Variants in OSBPL8 observed in about 807,000 individuals in gnomAD.
OSBPL8 encodes the protein oxysterol-binding protein-related protein 8.
In OSBPL8, 59 loss-of-function variants were observed where a neutral mutation model predicts 125.5. That is an observed-to-expected ratio of 0.47 (90% CI 0.38 to 0.58). OSBPL8 has a LOEUF of 0.58. Ranked by LOEUF, OSBPL8 falls within the 20% of genes least tolerant of loss-of-function variation. The probability of loss-of-function intolerance (pLI) is 0.00; values close to 1 mark genes in which losing one functional copy is unlikely to be tolerated. For synonymous variants in OSBPL8, 330 were observed against 338.9 expected, an observed-to-expected ratio of 0.97 and a Z score of 0.29; for missense variants, 758 against 1,047.8, an observed-to-expected ratio of 0.72 and a Z score of 3.82.
chr12:76,546,535 A>T (rs1305617491), intron 1 of OSBPL8, among the ~76,000 whole-genome samples: 1 of 152,110 alleles, frequency 6.6e-6, no homozygotes, highest in Non-Finnish European at 1.5e-5. Flanking sequence ...GCTGACATAT[A>T]AAAAAATTGT....
intron 1 of OSBPL8, among the ~76,000 whole-genome samples, chr12:76,501,306 G>A (rs1216158103): frequency 6.6e-6 from 1 of 152,100 alleles, no homozygotes; most frequent in East Asian, 1.9e-4. Context: ...CATGTAAGCT[G>A]GGGGTCAGCA....
intron 21 of OSBPL8, among the ~76,000 whole-genome samples, chr12:76,360,396 C>A (rs1209125259): frequency 6.6e-6 from 1 of 152,242 alleles, no homozygotes; most frequent in East Asian, 1.9e-4. Flanking sequence ...GCAGCTCCAC[C>A]CTTGTGGCTC....
At chr12:76,471,393 G>GT (rs1355447445) in intron 2 of OSBPL8, among the ~76,000 whole-genome samples, 22 of 152,210 alleles carry the variant, frequency 1.4e-4, no homozygotes, top group Admixed American at 5.9e-4. Context: ...ACAGAAACCT[G>GT]TAAGTCGCTC....
At chr12:76,408,013 A>G (rs1954343202) in intron 5 of OSBPL8, among the ~76,000 whole-genome samples, 1 of 152,024 alleles carries the variant, frequency 6.6e-6, no homozygotes, top group African/African-American at 2.4e-5. Context: ...CTCAACAAAA[A>G]GTAGTTATTA....
intron 2 of OSBPL8, among the ~76,000 whole-genome samples, chr12:76,465,541 C>T (rs1875312065): frequency 6.6e-6 from 1 of 151,620 alleles, no homozygotes; most frequent in South Asian, 2.1e-4. Context: ...GCCTGGGCGA[C>T]AGAGCAAGAC....
At chr12:76,391,527 G>T (rs1270766997) in intron 10 of OSBPL8, among the ~76,000 whole-genome samples, 1 of 152,012 alleles carries the variant, frequency 6.6e-6, no homozygotes, top group Middle Eastern at 3.4e-3. Flanking sequence ...ATTTTAAAGA[G>T]AGTGGGGGAA....
chr12:76,459,826 C>A (rs985255948), intron 3 of OSBPL8, 33 bp downstream of exon 3: 36 of 1,611,670 alleles, frequency 2.2e-5, no homozygotes, highest in Non-Finnish European at 2.8e-5. Flanking sequence ...TTATCATGTC[C>A]CCAAACATGC....
At chr12:76,467,379 A>G (rs1369794529) in intron 2 of OSBPL8, among the ~76,000 whole-genome samples, 1 of 152,184 alleles carries the variant, frequency 6.6e-6, no homozygotes, top group Non-Finnish European at 1.5e-5. Context: ...CATACCTAGC[A>G]TATCTCCAAA....
Position 76,375,307 on chromosome 12 carries a change from G to A in OSBPL8, c.1793C>T (p.Thr598Ile). Residue 598 changes from threonine to isoleucine, a missense_variant, in exon 17 of 24, where the codon ACT becomes ATT. Thr to Ile is a moderately conservative substitution (Grantham distance 89). This residue lies in a region of OSBPL8 where 572 missense variants were observed against 762.0 expected (regional missense o/e 0.75). Coordinates refer to ENST00000261183, the MANE Select transcript of OSBPL8 (RefSeq NM_020841.5). The part of the protein sequence containing the change: ...GGTVNITCQK[T>I]GYSAILEFKL... ...AAATTCAAGTATTGCACTGTATCCA[G>A]TTTTTTGACATGTAATATTGACTGT... 1 of 1,611,688 alleles carries A rather than the reference G, an allele frequency of 6.2e-7. No homozygotes were observed.
intron 1 of OSBPL8, among the ~76,000 whole-genome samples, chr12:76,548,449 T>C (rs1008061843): frequency 1.3e-5 from 2 of 152,130 alleles, no homozygotes; most frequent in African/African-American, 4.8e-5. Context: ...ATTACTTGAC[T>C]AACTATAAGG....
At chr12:76,441,578 A>G (rs1872185071) in intron 4 of OSBPL8, among the ~76,000 whole-genome samples, 1 of 152,150 alleles carries the variant, frequency 6.6e-6, no homozygotes, top group African/African-American at 2.4e-5. Context: ...TCCGACTTGC[A>G]AAACATAGAA....
chr12:76,389,620 T>C (rs1249544007), intron 12 of OSBPL8, 25 bp downstream of exon 12: 14 of 1,470,014 alleles, frequency 9.5e-6, no homozygotes, highest in African/African-American at 2.9e-5. Context: ...GTATTGTCTA[T>C]TTTAAGAAAT....
intron 1 of OSBPL8, among the ~76,000 whole-genome samples, chr12:76,541,924 C>A (rs939837363): frequency 6.6e-6 from 1 of 152,098 alleles, no homozygotes; most frequent in African/African-American, 2.4e-5. Context: ...GCAATCCCAG[C>A]ACTTTGGGAG....
chr12:76,493,266 T>A (rs904899013), intron 1 of OSBPL8, among the ~76,000 whole-genome samples: 2 of 152,334 alleles, frequency 1.3e-5, no homozygotes, highest in South Asian at 4.1e-4. Context: ...AAAATTTGCT[T>A]CACAGACCAA....
chr12:76,415,322 A>C (rs565642665), intron 4 of OSBPL8, among the ~76,000 whole-genome samples: 1 of 148,318 alleles, frequency 6.7e-6, no homozygotes, highest in African/African-American at 2.5e-5. Context: ...ATCTCGGCTC[A>C]CTGCAACCTC....
chr12:76,484,119 A>G (rs560807009), intron 2 of OSBPL8, among the ~76,000 whole-genome samples: 1 of 152,302 alleles, frequency 6.6e-6, no homozygotes, highest in East Asian at 1.9e-4. Context: ...CCTTCCATAA[A>G]TTTGGTCTCT....
chr12:76,362,268 T>C lies in OSBPL8; in HGVS notation c.2329-3457A>G, dbSNP rs1023410116. ...TTCAGGCCAATATTCCTGATGAACA[T>C]CGATGCAAAAATCCTCAATAAAATA... On this transcript the variant is annotated intron_variant, in intron 21 of 23. Coordinates refer to ENST00000261183, the MANE Select transcript of OSBPL8 (RefSeq NM_020841.5). 3.3e-5 allele frequency among the ~76,000 whole-genome samples: 5 copies of C among 150,646 alleles called. No individual in the cohort carries two copies. In the Admixed American group the frequency reaches 3.3e-4, roughly 10 times the overall value.
chr12:76,508,874 C>T lies in OSBPL8; in HGVS notation c.-67-21256G>A, dbSNP rs140661971. On this transcript the variant is annotated intron_variant, in intron 1 of 23. Coordinates refer to ENST00000261183, the MANE Select transcript of OSBPL8 (RefSeq NM_020841.5). ...TCCCAGAAAACTCATTAATAATCCA[C>T]CCCCTATTTAGCATATAATCAAGAA... 4.8e-3 allele frequency among the ~76,000 whole-genome samples: 727 copies of T among 152,282 alleles called. 10 individuals are homozygous for T. Among genetic ancestry groups the T allele is most frequent in the African/African-American group, 0.017 (699 of 41,552 alleles).
At chr12:76,422,789 A>T in intron 4 of OSBPL8, 1 of 302,232 alleles carries the variant, frequency 3.3e-6, no homozygotes, top group Non-Finnish European at 6.8e-6. Flanking sequence ...TTTAACAGCA[A>T]AGGAGAAGGA....
Sources: gnomAD v4.1 joint callset for allele counts (sites outside exome capture counted in the v4.1 genomes callset) on GRCh38, gnomAD v4.1.1 for gene constraint, gnomAD v4.1.1 regional missense constraint, MANE v1.5 for transcripts, NCBI Gene and HGNC (gene_info 2026-07-23, HGNC 2026-07-21) for gene names.